UTS2B: variants seen among roughly 807,000 people sequenced by gnomAD.
UTS2B encodes the protein urotensin 2B, also known as urotensin-2B.
In UTS2B, 21 loss-of-function variants were observed where a neutral mutation model predicts 19.2. That is an observed-to-expected ratio of 1.09 (90% CI 0.78 to 1.58). The LOEUF is 1.58. UTS2B is among the 40% of genes most tolerant of loss of function. The pLI is 0.00. For synonymous variants in UTS2B, 57 were observed against 50.2 expected (o/e 1.14, Z -0.58); for missense variants, 138 against 130.3 (o/e 1.06, Z -0.29).
At chr3:191,305,723 C>T (rs1452540568) in intron 3 of UTS2B, among the ~76,000 whole-genome samples, 2 of 152,164 alleles carry the variant, frequency 1.3e-5, no homozygotes, top group Non-Finnish European at 1.5e-5. Context: ...GTGTCTTTGT[C>T]ATCAAACCTT....
At chr3:191,277,739 T>A (rs987444914) in intron 6 of UTS2B, 13 of 158,344 alleles carry the variant, frequency 8.2e-5, no homozygotes, top group Non-Finnish European at 1.4e-4. Flanking sequence ...ATAATACTTT[T>A]GAAACATTTA....
At chr3:191,331,407 C>A (rs1057358971), upstream of UTS2B, among the ~76,000 whole-genome samples, 6 of 152,202 alleles carry the variant, frequency 3.9e-5, no homozygotes, top group African/African-American at 1.2e-4. Flanking sequence ...AGGAGTTCCA[C>A]AAACACCTTC....
chr3:191,327,320 A>G (rs1576940096), intron 2 of UTS2B, among the ~76,000 whole-genome samples: 1 of 152,118 alleles, frequency 6.6e-6, no homozygotes, highest in Non-Finnish European at 1.5e-5. Flanking sequence ...ACATGCCAAA[A>G]CCCTGCCTCT....
intron 3 of UTS2B, among the ~76,000 whole-genome samples, chr3:191,311,302 C>T (rs1203659706): frequency 6.6e-6 from 1 of 152,186 alleles, no homozygotes; most frequent in Non-Finnish European, 1.5e-5. Context: ...AAAAATTATT[C>T]GATATACTTG....
intron 3 of UTS2B, among the ~76,000 whole-genome samples, chr3:191,314,789 T>G (rs1329563381): frequency 6.6e-6 from 1 of 152,160 alleles, no homozygotes; most frequent in Non-Finnish European, 1.5e-5. Flanking sequence ...TAATGAGGCT[T>G]CCATTGAAAC....
chr3:191,308,130 T>C (rs887231725), intron 3 of UTS2B, among the ~76,000 whole-genome samples: 1 of 152,128 alleles, frequency 6.6e-6, no homozygotes, highest in Non-Finnish European at 1.5e-5. Flanking sequence ...CACCACGATG[T>C]AGGGACTTTT....
chr3:191,278,914 T>G (rs1716310000), intron 5 of UTS2B, among the ~76,000 whole-genome samples: 1 of 152,072 alleles, frequency 6.6e-6, no homozygotes, highest in African/African-American at 2.4e-5. Flanking sequence ...AAATCAAACC[T>G]TTATCACATA....
the UTS2B span, among the ~76,000 whole-genome samples, chr3:191,338,958 G>T: frequency 1.3e-5 from 2 of 152,256 alleles, no homozygotes; most frequent in South Asian, 4.2e-4. Flanking sequence ...TTCTTAGATA[G>T]TATTGGGTTC....
At chr3:191,304,992 G>A (rs1042534087) in intron 3 of UTS2B, among the ~76,000 whole-genome samples, 1 of 152,100 alleles carries the variant, frequency 6.6e-6, no homozygotes, top group Admixed American at 6.6e-5. Flanking sequence ...ATGTCCCTGC[G>A]AAGGACATGA....
chr3:191,297,532 T>G (rs1238592207), intron 4 of UTS2B, among the ~76,000 whole-genome samples: 2 of 152,232 alleles, frequency 1.3e-5, no homozygotes, highest in African/African-American at 4.8e-5. Flanking sequence ...TAATTGCCTC[T>G]TCTTTCATAT....
intron 2 of UTS2B, among the ~76,000 whole-genome samples, chr3:191,317,298 G>C (rs1401212421): frequency 2.0e-5 from 3 of 152,216 alleles, no homozygotes; most frequent in Non-Finnish European, 4.4e-5. Context: ...CTGAGTGCGG[G>C]GGGGCCTCCC....
At chr3:191,329,447 T>G in intron 1 of UTS2B, 1 of 462,190 alleles carries the variant, frequency 2.2e-6, no homozygotes, top group South Asian at 4.1e-5. Flanking sequence ...GCGGAGCAGG[T>G]GGCCGCGGCG....
chr3:191,305,607 T>C (rs1172443083), intron 3 of UTS2B, among the ~76,000 whole-genome samples: 1 of 152,182 alleles, frequency 6.6e-6, no homozygotes, highest in Non-Finnish European at 1.5e-5. Context: ...TCCCATTATG[T>C]AGGTTATTTA....
chr3:191,323,766 G>A (rs1717670866), intron 2 of UTS2B, among the ~76,000 whole-genome samples: 1 of 152,154 alleles, frequency 6.6e-6, no homozygotes, highest in South Asian at 2.1e-4. Context: ...CAAGTGAGAG[G>A]CAGTACCAGG....
chr3:191,276,969 A>G (rs1179065420), intron 6 of UTS2B, 125 bp from the exon 7 acceptor site: 2 of 724,660 alleles, frequency 2.8e-6, no homozygotes, highest in East Asian at 5.7e-5. Flanking sequence ...GACATCACCC[A>G]TCCATTCCTA....
intron 2 of UTS2B, among the ~76,000 whole-genome samples, chr3:191,327,686 G>T (rs1249072323): frequency 1.3e-5 from 2 of 152,124 alleles, no homozygotes; most frequent in African/African-American, 4.8e-5. Context: ...AATCACAACA[G>T]GAAGCCACAG....
chr3:191,309,346 T>C (rs1254166727), intron 3 of UTS2B, among the ~76,000 whole-genome samples: 1 of 151,756 alleles, frequency 6.6e-6, no homozygotes, highest in African/African-American at 2.4e-5. Context: ...GTTTTTCTTT[T>C]TTTTTTTCAG....
chr3:191,345,650 G>A, the UTS2B span, among the ~76,000 whole-genome samples: 3 of 152,136 alleles, frequency 2.0e-5, no homozygotes, highest in Non-Finnish European at 4.4e-5. Flanking sequence ...GCAATCTGGT[G>A]TATCTGCGGT....
At chr3:191,303,514 T>TG (rs781721389) in intron 4 of UTS2B, among the ~76,000 whole-genome samples, 19 of 137,100 alleles carry the variant, frequency 1.4e-4, no homozygotes, top group Non-Finnish European at 2.6e-4. Flanking sequence ...CAGTAGTGTC[T>TG]GGAAACACAT....
Sources: allele counts gnomAD v4.1 joint callset (sites outside exome capture counted in the v4.1 genomes callset), GRCh38; gene constraint gnomAD v4.1.1; transcripts MANE v1.5; gene names NCBI Gene and HGNC (gene_info 2026-07-23, HGNC 2026-07-21).